HS6ST2: variants seen among roughly 807,000 people sequenced by gnomAD.
The protein encoded by HS6ST2 is heparan sulfate 6-O-sulfotransferase 2, also known as heparan-sulfate 6-O-sulfotransferase 2.
Under a neutral mutation model 33.0 loss-of-function variants are expected in HS6ST2, and 17 were observed. The ratio of observed to expected loss-of-function variants is 0.52; its 90% CI spans 0.35 to 0.77. The LOEUF (loss-of-function observed/expected upper bound fraction) is 0.77. HS6ST2 is among the 30% of genes least tolerant of loss of function. The pLI, the probability that HS6ST2 is intolerant of heterozygous loss-of-function variation, is 0.01. For missense variants in HS6ST2, 519 were observed against 551.7 expected (o/e 0.94, Z 0.59); for synonymous variants, 248 against 237.1 (o/e 1.05, Z -0.42).
At chrX:132,806,444 G>A (rs1185758507) in intron 2 of HS6ST2, among the ~76,000 whole-genome samples, 1 of 109,853 alleles carries the variant, frequency 9.1e-6, no homozygotes, top group Admixed American at 9.8e-5. Flanking sequence ...TGGAATAACA[G>A]TGATGATAAT....
chrX:132,957,234 G>C lies in HS6ST2; in HGVS notation c.521C>G (p.Pro174Arg). 2 of 1,205,916 alleles carry C rather than the reference G, an allele frequency of 1.7e-6. No homozygotes were observed. Among genetic ancestry groups the C allele is most frequent in the Non-Finnish European group, 2.2e-6 (2 of 892,198 alleles). ...GCGGAGGAGCTGGCATTCTGTGCCGGGGCACACGTATTGGAGGACGATCAC... is the reference window on the plus strand; with the variant it reads ...GCGGAGGAGCTGGCATTCTGTGCCGCGGCACACGTATTGGAGGACGATCAC... ...FAVIVLQYVC[P>R]GTECQLLRLQ... Residue 174 changes from proline to arginine, a missense_variant, in exon 2 of 5, where the codon CCC becomes CGC. Pro to Arg is a moderately radical substitution (Grantham distance 103, BLOSUM62 -2). Transcript: ENST00000370833.
At chrX:132,752,060 C>T (rs930432390) in intron 2 of HS6ST2, among the ~76,000 whole-genome samples, 1 of 111,884 alleles carries the variant, frequency 8.9e-6, no homozygotes, top group African/African-American at 3.3e-5. Flanking sequence ...TTCTGGGACC[C>T]AAACCCAAGT....
chrX:132,735,704 G>A (rs935954169), intron 2 of HS6ST2, among the ~76,000 whole-genome samples: 2 of 112,011 alleles, frequency 1.8e-5, no homozygotes, highest in South Asian at 3.8e-4. Flanking sequence ...GCCCGAGGAC[G>A]CCACAGAGAA....
intron 2 of HS6ST2, among the ~76,000 whole-genome samples, chrX:132,743,979 G>A (rs965135918): frequency 4.5e-5 from 5 of 110,744 alleles, no homozygotes; most frequent in Admixed American, 1.9e-4. Flanking sequence ...GTGGAGAAAC[G>A]GGTCTTGCCA....
At chrX:132,631,894 G>C (rs1277563199) in intron 4 of HS6ST2, among the ~76,000 whole-genome samples, 3 of 111,375 alleles carry the variant, frequency 2.7e-5, no homozygotes, top group South Asian at 7.6e-4. Context: ...CAACCACCAG[G>C]GTTAATGACA....
rs562328547 is a variant in HS6ST2 at position 132,814,195 on chromosome X, C to T, written c.948-105701G>A. 4.5e-4 allele frequency among the ~76,000 whole-genome samples: 50 copies of T among 112,110 alleles called. No individual in the cohort carries two copies. The South Asian group carries it at 0.017, about 38-fold the overall frequency. On this transcript the variant is annotated intron_variant, in intron 2 of 4. Transcript: ENST00000370833. ...TCCTGACCTTGTGATCCACCCGCCT[C>T]GGCCTCCCAAAGTGCTGGGATTATA...
At chrX:132,811,842 TTA>T (rs2148366293) in intron 2 of HS6ST2, among the ~76,000 whole-genome samples, 1 of 105,834 alleles carries the variant, frequency 9.4e-6, no homozygotes, top group South Asian at 4.3e-4. Context: ...AATAATCTAA[TTA>T]TACTCTTTTA....
chrX:132,896,775 G>C (rs953856367), intron 2 of HS6ST2, among the ~76,000 whole-genome samples: 1 of 111,975 alleles, frequency 8.9e-6, no homozygotes, highest in Non-Finnish European at 1.9e-5. Context: ...GAAGGGCAAT[G>C]TTAAAATCAG....
upstream of HS6ST2, chrX:132,961,336 C>T (rs2067140887): frequency 9.0e-6 from 1 of 110,923 alleles, no homozygotes; most frequent in African/African-American, 3.3e-5. Context: ...CAGAACCGTC[C>T]TTCCATGGTT....
chrX:132,930,618 C>A (rs1021201598), intron 2 of HS6ST2, among the ~76,000 whole-genome samples: 6 of 111,058 alleles, frequency 5.4e-5, no homozygotes, highest in Middle Eastern at 9.3e-3. Flanking sequence ...AATTTCCTCC[C>A]CAAACCTGAG....
At chrX:132,927,450 C>T (rs944808597) in intron 2 of HS6ST2, among the ~76,000 whole-genome samples, 3 of 111,827 alleles carry the variant, frequency 2.7e-5, no homozygotes, top group Admixed American at 9.5e-5. Flanking sequence ...CAAAATATGT[C>T]GCATATCCTA....
chrX:132,842,798 A>G (rs2065719499), intron 2 of HS6ST2, among the ~76,000 whole-genome samples: 1 of 112,227 alleles, frequency 8.9e-6, no homozygotes, highest in Non-Finnish European at 1.9e-5. Flanking sequence ...TTTATCCACA[A>G]TTCATTATAG....
intron 2 of HS6ST2, among the ~76,000 whole-genome samples, chrX:132,798,306 T>C (rs954188601): frequency 1.4e-4 from 15 of 110,984 alleles, no homozygotes; most frequent in African/African-American, 4.9e-4. Flanking sequence ...CCAATACCCA[T>C]TCCACCAACC....
At chrX:132,951,876 G>C (rs952505150) in intron 2 of HS6ST2, among the ~76,000 whole-genome samples, 1 of 112,160 alleles carries the variant, frequency 8.9e-6, no homozygotes, top group Non-Finnish European at 1.9e-5. Flanking sequence ...TTTTCAAATT[G>C]TTTTCAAACA....
At chrX:132,646,535 TAAAA>T (rs34230779) in intron 4 of HS6ST2, among the ~76,000 whole-genome samples, 3 of 67,254 alleles carry the variant, frequency 4.5e-5, no homozygotes, top group Admixed American at 3.4e-4. Flanking sequence ...CCCTGTCTCT[TAAAA>T]AAAAAAAAAA....
At chrX:132,659,892 T>C (rs1042805369) in intron 4 of HS6ST2, among the ~76,000 whole-genome samples, 3 of 112,228 alleles carry the variant, frequency 2.7e-5, no homozygotes, top group South Asian at 7.4e-4. Context: ...CAATAAATTA[T>C]AATTCATAAA....
At chrX:132,795,782 A>C (rs183090381) in intron 2 of HS6ST2, among the ~76,000 whole-genome samples, 1 of 110,361 alleles carries the variant, frequency 9.1e-6, no homozygotes, top group African/African-American at 3.3e-5. Context: ...AACTTTTGTA[A>C]TTTTTTGGTA....
intron 2 of HS6ST2, among the ~76,000 whole-genome samples, chrX:132,782,862 A>C (rs1298465818): frequency 8.9e-6 from 1 of 111,907 alleles, no homozygotes; most frequent in Non-Finnish European, 1.9e-5. Context: ...TTTGGTCATC[A>C]AATGACCTAC....
intron 2 of HS6ST2, among the ~76,000 whole-genome samples, chrX:132,722,837 C>G (rs1602611392): frequency 2.2e-5 from 2 of 89,066 alleles, no homozygotes; most frequent in African/African-American, 8.4e-5. Context: ...TTCAAATATT[C>G]AAACATATAG....
Sources: gnomAD v4.1 joint callset for allele counts (sites outside exome capture counted in the v4.1 genomes callset) on GRCh38, gnomAD v4.1.1 for gene constraint, MANE v1.5 for transcripts, NCBI Gene and HGNC (gene_info 2026-07-23, HGNC 2026-07-21) for gene names.